BBS9: variants seen among roughly 807,000 people sequenced by gnomAD.
BBS9 encodes protein PTHB1.
BBS9 carries 89 observed loss-of-function variants against 117.7 expected under a neutral mutation model. The observed-to-expected ratio is 0.76, with a 90% CI of 0.64 to 0.90. BBS9 has a LOEUF of 0.90. BBS9 is among the 40% of genes least tolerant of loss of function. The probability of loss-of-function intolerance (pLI) is 0.00; values close to 1 mark genes in which losing one functional copy is unlikely to be tolerated. For missense variants in BBS9, 982 were observed against 1,042.2 expected (o/e 0.94, Z 0.80); for synonymous variants, 379 against 370.9 (o/e 1.02, Z -0.25).
At chr7:33,243,094 C>A in intron 5 of BBS9, 1 of 428,996 alleles carries the variant, frequency 2.3e-6, no homozygotes, top group Non-Finnish European at 4.7e-6. Context: ...ACTGTTAATT[C>A]GGAAGTCTTT....
chr7:33,620,116 A>T (rs1387159774), intron 21 of BBS9, among the ~76,000 whole-genome samples: 1 of 151,962 alleles, frequency 6.6e-6, no homozygotes, highest in Non-Finnish European at 1.5e-5. Context: ...AAAAAAGAAG[A>T]TGCAAATAAA....
intron 19 of BBS9, among the ~76,000 whole-genome samples, chr7:33,403,829 C>A (rs1829405101): frequency 6.6e-6 from 1 of 152,064 alleles, no homozygotes; most frequent in African/African-American, 2.4e-5. Flanking sequence ...GGGTATATAC[C>A]CAGTAATGGG....
At chr7:33,153,125 TAAA>T (rs1035012509) in intron 3 of BBS9, among the ~76,000 whole-genome samples, 3 of 152,102 alleles carry the variant, frequency 2.0e-5, no homozygotes, top group Non-Finnish European at 2.9e-5. Context: ...AATAACCAAA[TAAA>T]GAAATAAATA....
intron 19 of BBS9, among the ~76,000 whole-genome samples, chr7:33,420,731 G>A (rs1832735512): frequency 1.3e-5 from 2 of 152,110 alleles, no homozygotes; most frequent in Non-Finnish European, 2.9e-5. Flanking sequence ...AGATTATAAA[G>A]TCAAAAGAAG....
chr7:33,222,792 T>TA (rs947609820), intron 5 of BBS9, among the ~76,000 whole-genome samples: 7 of 150,218 alleles, frequency 4.7e-5, no homozygotes, highest in African/African-American at 7.3e-5. Context: ...CTACTAAAAA[T>TA]AAAAAAAAAT....
chr7:33,339,190 A>G (rs943513611), intron 10 of BBS9, among the ~76,000 whole-genome samples: 5 of 151,864 alleles, frequency 3.3e-5, no homozygotes, highest in Admixed American at 2.0e-4. Context: ...GATTCCTTCT[A>G]TCTCGGAGTC....
At chr7:33,342,187 A>C (rs1383596572) in intron 11 of BBS9, among the ~76,000 whole-genome samples, 2 of 152,130 alleles carry the variant, frequency 1.3e-5, no homozygotes, top group Admixed American at 1.3e-4. Flanking sequence ...TTACTATATT[A>C]TAGTAAATTG....
intron 19 of BBS9, among the ~76,000 whole-genome samples, chr7:33,398,467 T>TG (rs1333281415): frequency 1.3e-5 from 2 of 152,242 alleles, no homozygotes; most frequent in Non-Finnish European, 2.9e-5. Flanking sequence ...CTTGCTAGTT[T>TG]CTCAGCCAAA....
intron 9 of BBS9, chr7:33,314,279 T>C: frequency 2.3e-6 from 1 of 433,840 alleles, no homozygotes; most frequent in Non-Finnish European, 4.5e-6. Flanking sequence ...ATGGAAGCAT[T>C]TGTTGCCTCG....
At position 33,388,127 on chromosome 7, in the gene BBS9, G is replaced by A. The variant is rs1274816953; in HGVS notation, c.2098G>A (p.Asp700Asn). The change falls in exon 19 of 23, where the codon GAT (aspartate) becomes AAT (asparagine). Residue 700 changes from aspartate to asparagine, a missense_variant. Transcript: ENST00000242067. ...TCTTCAACACCTGGACACCTTGTTA[G>A]ATGGAACCTACAAGCAGGTCAGTAT... ...APLQHLDTLLDGTYKQVIALA... is the reference protein window; with the variant it reads ...APLQHLDTLLNGTYKQVIALA... 1.9e-6 allele frequency: 3 copies of A among 1,614,138 alleles called. No individual in the cohort carries two copies. The highest frequency in any genetic ancestry group is 2.5e-6 in the Non-Finnish European group (3 of 1,180,000).
intron 9 of BBS9, among the ~76,000 whole-genome samples, chr7:33,327,409 T>C (rs1244582816): frequency 6.6e-6 from 1 of 151,890 alleles, no homozygotes; most frequent in Non-Finnish European, 1.5e-5. Context: ...GATTAAAGGG[T>C]GTTTGTTAGG....
At chr7:33,446,522 T>C (rs1018555123) in intron 19 of BBS9, among the ~76,000 whole-genome samples, 1 of 152,202 alleles carries the variant, frequency 6.6e-6, no homozygotes, top group African/African-American at 2.4e-5. Flanking sequence ...CACACCTGCC[T>C]ATTGCCATGA....
chr7:33,263,102 A>G (rs1798230949), intron 6 of BBS9, among the ~76,000 whole-genome samples: 1 of 47,300 alleles, frequency 2.1e-5, no homozygotes. Context: ...ACGTTTTCAT[A>G]TTAATAAGAT....
intron 19 of BBS9, among the ~76,000 whole-genome samples, chr7:33,416,464 G>A (rs1194363885): frequency 6.6e-6 from 1 of 152,024 alleles, no homozygotes; most frequent in African/African-American, 2.4e-5. Context: ...ACGGCAGGCT[G>A]AGAGGTTTTG....
At chr7:33,469,936 A>G (rs557065028) in intron 19 of BBS9, among the ~76,000 whole-genome samples, 51 of 152,266 alleles carry the variant, frequency 3.3e-4, no homozygotes, top group Admixed American at 2.7e-3. Flanking sequence ...TCTCTAGAGT[A>G]TATACTTATG....
intron 18 of BBS9, among the ~76,000 whole-genome samples, chr7:33,386,647 C>T (rs1004418818): frequency 2.6e-5 from 4 of 151,972 alleles, no homozygotes; most frequent in Admixed American, 6.5e-5. Context: ...CCCACCACCA[C>T]GCCCAGCTAA....
chr7:33,468,387 C>A (rs1295508697), intron 19 of BBS9, among the ~76,000 whole-genome samples: 1 of 152,036 alleles, frequency 6.6e-6, no homozygotes, highest in African/African-American at 2.4e-5. Context: ...AGAGACCACT[C>A]TGTTTTTATT....
intron 21 of BBS9, among the ~76,000 whole-genome samples, chr7:33,546,653 A>C (rs10258692): frequency 0.62 from 94,484 of 152,126 alleles, 30,297 homozygotes; most frequent in African/African-American, 0.77. Context: ...TCCACACACA[A>C]CATGCATTTC....
At chr7:33,520,590 T>C (rs1848456617) in intron 20 of BBS9, among the ~76,000 whole-genome samples, 1 of 152,208 alleles carries the variant, frequency 6.6e-6, no homozygotes, top group Non-Finnish European at 1.5e-5. Flanking sequence ...GCTTAAATTT[T>C]CTCAGAGACA....
Sources: allele counts gnomAD v4.1 joint callset (sites outside exome capture counted in the v4.1 genomes callset), GRCh38; gene constraint gnomAD v4.1.1; transcripts MANE v1.5; gene names NCBI Gene and HGNC (gene_info 2026-07-23, HGNC 2026-07-21).